DOP1A: variants seen among roughly 807,000 people sequenced by gnomAD.
DOP1A encodes the protein DOP1 leucine zipper like protein A, also known as protein DOP1A.
Under a neutral mutation model 267.6 loss-of-function variants are expected in DOP1A, and 90 were observed. That is an observed-to-expected ratio of 0.34 (90% CI 0.28 to 0.40). The LOEUF (loss-of-function observed/expected upper bound fraction) is 0.40. Among genes scored for constraint, DOP1A ranks in the 10% least tolerant of loss-of-function variants. The pLI is 1.00. For synonymous variants in DOP1A, 932 were observed against 999.1 expected (o/e 0.93, Z 1.27); for missense variants, 2,437 against 2,900.4 (o/e 0.84, Z 3.67).
chr6:83,134,459 T>G (rs1416327551), intron 19 of DOP1A, 172 bp downstream of exon 19: 3 of 515,496 alleles, frequency 5.8e-6, no homozygotes, highest in Non-Finnish European at 9.8e-6. Context: ...GCATTTTTAC[T>G]CATCCACCAG....
chr6:83,133,266 C>G lies in DOP1A; in HGVS notation c.2770-921C>G, dbSNP rs533068705. Among the ~76,000 whole-genome samples, 5 of 152,108 alleles carry G rather than the reference C, an allele frequency of 3.3e-5. No homozygotes were observed. In the South Asian group the frequency reaches 1.0e-3, roughly 32 times the overall value. On this transcript the variant is annotated intron_variant, in intron 18 of 38. Transcript: ENST00000349129. ...TAGGACAAATATATGCCTGTTTTCA[C>G]TTGGGTAGCATTTCATTTTTAAAGA...
chr6:83,139,394 T>G (rs1779280164), intron 21 of DOP1A, among the ~76,000 whole-genome samples: 1 of 152,166 alleles, frequency 6.6e-6, no homozygotes, highest in South Asian at 2.1e-4. Flanking sequence ...TCTACCAAGA[T>G]CTAAAATTAA....
At chr6:83,160,670 T>C (rs542807247) in intron 37 of DOP1A, among the ~76,000 whole-genome samples, 1 of 152,290 alleles carries the variant, frequency 6.6e-6, no homozygotes, top group Admixed American at 6.5e-5. Context: ...TAAAAGCATA[T>C]ATAAATTTTA....
At chr6:83,111,975 G>C (rs2094116) in intron 6 of DOP1A, among the ~76,000 whole-genome samples, 117,798 of 152,040 alleles carry the variant, frequency 0.77, 45,710 homozygotes, top group Middle Eastern at 0.83. Context: ...CAGAGATTTA[G>C]TCTTTTTTCT....
In DOP1A at chr6:83,067,790, C is replaced by G. The variant is rs529893751; in HGVS notation, c.-147+11C>G. ...CCGAGCCAGCAGCAGGTAAAAGCGTCCCTGCCCCCAGTGCGGCCGCTAGGC... is the reference window on the plus strand; with the variant it reads ...CCGAGCCAGCAGCAGGTAAAAGCGTGCCTGCCCCCAGTGCGGCCGCTAGGC... On this transcript the variant is annotated intron_variant, in intron 1 of 38. Coordinates refer to ENST00000349129, the MANE Select transcript of DOP1A (RefSeq NM_015018.4). 1.3e-5 allele frequency: 2 copies of G among 152,456 alleles called. No individual in the cohort carries two copies. Among genetic ancestry groups the G allele is most frequent in the East Asian group, 1.9e-4 (1 of 5,178 alleles). The allele number at this position is 152,456 out of a possible 1,614,324, so 9.4% of individuals were successfully genotyped here. A position where few individuals can be genotyped will look rare whatever the true frequency, so the allele number is the denominator to read the frequency against.
At chr6:83,136,759 T>C (rs968574720) in intron 20 of DOP1A, among the ~76,000 whole-genome samples, 3 of 152,146 alleles carry the variant, frequency 2.0e-5, no homozygotes, top group African/African-American at 7.2e-5. Flanking sequence ...TGCTGAATTC[T>C]CACCTCCCCT....
Position 83,125,608 on chromosome 6 carries a change from T to C in DOP1A, c.1594T>C (p.Ser532Pro). ...QTLHLSELTD[S>P]LRLCSKILSK... is the part of the protein sequence containing the mutation. ...ATTGCACTTATCTGAACTCACAGAT[T>C]CTCTCAGACTCTGCTCAAAGATCCT... Residue 532 changes from serine to proline, a missense_variant, in exon 15 of 39, where the codon TCT becomes CCT. Coordinates refer to ENST00000349129, the MANE Select transcript of DOP1A (RefSeq NM_015018.4). 1 of 1,613,882 alleles carries C rather than the reference T, an allele frequency of 6.2e-7. No homozygotes were observed. Among genetic ancestry groups the C allele is most frequent in the Non-Finnish European group, 8.5e-7 (1 of 1,179,816 alleles).
chr6:83,083,716 A>C (rs996938592), intron 1 of DOP1A, among the ~76,000 whole-genome samples: 1 of 152,208 alleles, frequency 6.6e-6, no homozygotes, highest in African/African-American at 2.4e-5. Context: ...TTATTTGGCT[A>C]CTATGCTTTG....
intron 21 of DOP1A, 73 bp downstream of exon 21, chr6:83,139,235 G>A: frequency 8.4e-7 from 1 of 1,189,164 alleles, no homozygotes; most frequent in African/African-American, 1.5e-5. Flanking sequence ...CTGGAAAGTT[G>A]GTCACAACTT....
chr6:83,069,288 T>C (rs957288135), intron 1 of DOP1A, among the ~76,000 whole-genome samples: 7 of 152,224 alleles, frequency 4.6e-5, no homozygotes, highest in Non-Finnish European at 5.9e-5. Context: ...CAGTGTTCAA[T>C]GGCAAATAAT....
intron 38 of DOP1A, among the ~76,000 whole-genome samples, chr6:83,163,643 A>C (rs961186637): frequency 6.6e-6 from 1 of 152,156 alleles, no homozygotes; most frequent in Non-Finnish European, 1.5e-5. Context: ...TATATAACCG[A>C]ATCTAAAGTT....
rs781540977 is a variant in DOP1A, at chr6:83,138,190, A to G, written c.4148A>G (p.Tyr1383Cys). 1 of 1,613,846 alleles carries G rather than the reference A, an allele frequency of 6.2e-7. No individual in the cohort carries two copies. Among genetic ancestry groups the G allele is most frequent in the Non-Finnish European group, 8.5e-7 (1 of 1,179,884 alleles). Reference protein sequence around the residue: ...LQLYDSSRTLYAFSAIKAILK... With the variant: ...LQLYDSSRTLCAFSAIKAILK... ...TTGTATGATTCATCCAGGACTTTGT[A>G]TGCTTTCTCTGCCATCAAAGCCATC... Residue 1383 changes from tyrosine (Y) to cysteine (C), a missense_variant, in exon 21 of 39, where the codon TAT becomes TGT. By Grantham distance (194) the Tyr-to-Cys change is radical. Transcript: ENST00000349129.
intron 12 of DOP1A, among the ~76,000 whole-genome samples, chr6:83,124,296 G>A (rs1776792395): frequency 6.6e-6 from 1 of 152,078 alleles, no homozygotes; most frequent in African/African-American, 2.4e-5. Context: ...AAGGACAGAT[G>A]CATTCTGATC....
chr6:83,079,272 G>T (rs1052155870), intron 1 of DOP1A, among the ~76,000 whole-genome samples: 3 of 152,128 alleles, frequency 2.0e-5, no homozygotes, highest in African/African-American at 7.2e-5. Context: ...AAATACATAG[G>T]CATGATTGAA....
At chr6:83,120,902 T>A in intron 10 of DOP1A, 111 bp downstream of exon 10, 1 of 737,158 alleles carries the variant, frequency 1.4e-6, no homozygotes, top group Non-Finnish European at 2.0e-6. Context: ...CCTTTAAATA[T>A]AAGTTCTCAA....
chr6:83,101,305 C>CG (rs1273470801), intron 4 of DOP1A, among the ~76,000 whole-genome samples: 2 of 152,164 alleles, frequency 1.3e-5, no homozygotes, highest in African/African-American at 4.8e-5. Context: ...CATAAGCCAC[C>CG]GCGCCTGGCC....
chr6:83,170,569 C>A, downstream of DOP1A: 2 of 971,282 alleles, frequency 2.1e-6, no homozygotes, highest in South Asian at 1.8e-5. Flanking sequence ...AAGTGCCAGA[C>A]TAAATATAAA....
At chr6:83,071,977 A>G (rs990737646) in intron 1 of DOP1A, among the ~76,000 whole-genome samples, 2 of 152,302 alleles carry the variant, frequency 1.3e-5, no homozygotes, top group African/African-American at 4.8e-5. Flanking sequence ...AGATGAGGTA[A>G]TAAAGTTAAA....
intron 11 of DOP1A, among the ~76,000 whole-genome samples, 158 bp from the exon 12 acceptor site, chr6:83,122,702 TAGG>T (rs1776554435): frequency 6.6e-6 from 1 of 152,008 alleles, no homozygotes; most frequent in Non-Finnish European, 1.5e-5. Context: ...CATAAAATGA[TAGG>T]AGAGTGGCAG....
Sources: allele counts gnomAD v4.1 joint callset (sites outside exome capture counted in the v4.1 genomes callset), GRCh38; gene constraint gnomAD v4.1.1; transcripts MANE v1.5; gene names NCBI Gene and HGNC (gene_info 2026-07-23, HGNC 2026-07-21).